DMXL1: variants seen among roughly 807,000 people sequenced by gnomAD.
DMXL1 encodes Dmx like 1, also known as dmX-like protein 1.
In DMXL1, 99 loss-of-function variants were observed where a neutral mutation model predicts 319.2. The ratio of observed to expected loss-of-function variants is 0.31; its 90% CI spans 0.26 to 0.37. The LOEUF is 0.37. Among genes scored for constraint, DMXL1 ranks in the 10% least tolerant of loss-of-function variants. The pLI is 1.00. For synonymous variants in DMXL1, 1,385 were observed against 1,235.2 expected, an observed-to-expected ratio of 1.12 and a Z score of -2.54; for missense variants, 3,745 against 3,595.6, an observed-to-expected ratio of 1.04 and a Z score of -1.06.
chr5:119,182,062 C>T (rs1379877341), intron 28 of DMXL1, among the ~76,000 whole-genome samples: 3 of 152,050 alleles, frequency 2.0e-5, no homozygotes, highest in Non-Finnish European at 4.4e-5. Flanking sequence ...GGACAGCAAC[C>T]TGATAAATTT....
rs1358819839 is a variant in DMXL1 at position 119,128,067 on chromosome 5, CAGTAACCAACAATT to C, written c.1103-1142_1103-1129del. 6.6e-6 allele frequency: 3 copies of C among 454,702 alleles called. No homozygotes were observed. In the East Asian group the frequency reaches 1.7e-4, roughly 26 times the overall value. 28.2% of individuals were successfully genotyped at this position (454,702 alleles called of 1,614,324 possible). ...GTCCTCAATTTACTATCAGTGTAGT[CAGTAACCAACAATT>C]ACTATTACCCATTGCAAGTCTAAAT... is the stretch of plus-strand genomic sequence containing the variant. On this transcript the variant is annotated intron_variant, in intron 9 of 43. Coordinates refer to ENST00000539542, the MANE Select transcript of DMXL1 (RefSeq NM_001290321.3).
At position 119,206,878 on chromosome 5, in the gene DMXL1, G is replaced by A. The variant is rs1781839799; in HGVS notation, c.7908G>A (p.Glu2636=). The change falls in exon 34 of 44, where the codon GAG becomes GAA. Residue 2636 remains glutamate (E), a synonymous_variant. Transcript: ENST00000539542. Reference sequence around the variant, plus strand: ...AAACCATCAAAAATTCTATGATGGAGGAGCCAAACATCAATAAGGTACAAA... The same window carrying A: ...AAACCATCAAAAATTCTATGATGGAAGAGCCAAACATCAATAAGGTACAAA... ...NSETIKNSMM[E]EPNINKIEAD... is the part of the protein sequence containing the mutation. 5.2e-6 allele frequency: 8 copies of A among 1,526,246 alleles called. No individual in the cohort carries two copies. The highest frequency in any genetic ancestry group is 7.0e-6 in the Non-Finnish European group (8 of 1,140,024). The allele number at this position is 1,526,246 out of a possible 1,614,324, so 94.5% of individuals were successfully genotyped here.
intron 30 of DMXL1, among the ~76,000 whole-genome samples, chr5:119,195,095 A>T (rs559368103): frequency 1.3e-5 from 2 of 152,128 alleles, no homozygotes; most frequent in South Asian, 4.1e-4. Flanking sequence ...CAAAAAAAAT[A>T]ACAGTGCTGG....
intron 26 of DMXL1, 130 bp from the exon 27 acceptor site, chr5:119,177,227 A>G (rs1287308156): frequency 1.9e-6 from 1 of 537,564 alleles, no homozygotes; most frequent in Non-Finnish European, 3.2e-6. Flanking sequence ...ACTAGACTGT[A>G]CATTATATTA....
At chr5:119,072,029 G>A (rs1219902483) in intron 1 of DMXL1, among the ~76,000 whole-genome samples, 1 of 151,996 alleles carries the variant, frequency 6.6e-6, no homozygotes, top group Non-Finnish European at 1.5e-5. Context: ...AGTGGAGATT[G>A]GTTTCATTTT....
At chr5:119,112,186 C>G (rs1759782508) in intron 5 of DMXL1, among the ~76,000 whole-genome samples, 1 of 152,210 alleles carries the variant, frequency 6.6e-6, no homozygotes, top group African/African-American at 2.4e-5. Context: ...TGGTCTCAAT[C>G]TCCTGACCTC....
Position 119,170,771 on chromosome 5 carries a change from G to A in DMXL1, c.5980G>A (p.Asp1994Asn), listed in dbSNP as rs771566108. ...KELKPLQRKT[D>N]KKLDDISSNY... ...ACTAAAACCTTTACAGAGAAAAACA[G>A]ATAAAAAGTTGGATGACATAAGTTC... is the stretch of plus-strand genomic sequence containing the variant. Residue 1994 changes from aspartate (D) to asparagine (N), a missense_variant, in exon 24 of 44, where the codon GAT (aspartate) becomes AAT (asparagine). Around this residue, in one of 4 missense-constraint regions of DMXL1, gnomAD observed 1,382 missense variants for 1,269.5 expected, o/e 1.09. Transcript: ENST00000539542. The A allele has an allele frequency of 9.9e-6, 16 of 1,612,014 alleles. No homozygotes were observed. Among genetic ancestry groups the A allele is most frequent in the Middle Eastern group, 1.6e-4 (1 of 6,082 alleles).
intron 17 of DMXL1, among the ~76,000 whole-genome samples, 156 bp from the exon 18 acceptor site, chr5:119,148,583 G>A (rs1268089454): frequency 6.6e-6 from 1 of 152,034 alleles, no homozygotes; most frequent in Non-Finnish European, 1.5e-5. Context: ...AATATAGGCT[G>A]TCTATTATGC....
At chr5:119,107,188 A>C (rs1270411889) in intron 4 of DMXL1, among the ~76,000 whole-genome samples, 1 of 151,950 alleles carries the variant, frequency 6.6e-6, no homozygotes, top group African/African-American at 2.4e-5. Flanking sequence ...AAATTTTTGA[A>C]AAGTTAGTCA....
chr5:119,096,367 G>A (rs1247498068), intron 1 of DMXL1, among the ~76,000 whole-genome samples: 3 of 151,936 alleles, frequency 2.0e-5, no homozygotes, highest in Admixed American at 6.6e-5. Context: ...GTAGAGACGG[G>A]GTTTCTGCAT....
At chr5:119,164,365 A>T (rs978382533) in intron 19 of DMXL1, 142 bp from the exon 20 acceptor site, 18 of 747,918 alleles carry the variant, frequency 2.4e-5, no homozygotes, top group African/African-American at 2.3e-4. Flanking sequence ...GGAAAAACTT[A>T]AAAAAGCCCA....
intron 19 of DMXL1, among the ~76,000 whole-genome samples, chr5:119,162,982 A>G (rs1207482619): frequency 2.0e-5 from 3 of 152,212 alleles, no homozygotes; most frequent in Non-Finnish European, 4.4e-5. Flanking sequence ...GCTATAATTA[A>G]TCATTTACTT....
intron 1 of DMXL1, among the ~76,000 whole-genome samples, chr5:119,072,818 A>T (rs1449555684): frequency 6.6e-6 from 1 of 152,160 alleles, no homozygotes; most frequent in African/African-American, 2.4e-5. Context: ...AATTATCGGG[A>T]TTCCAATTCT....
intron 1 of DMXL1, among the ~76,000 whole-genome samples, chr5:119,096,650 A>G (rs1275691622): frequency 6.6e-6 from 1 of 152,180 alleles, no homozygotes; most frequent in Non-Finnish European, 1.5e-5. Flanking sequence ...CCTGTAATGG[A>G]AAAAACTCCC....
intron 5 of DMXL1, 60 bp from the exon 6 acceptor site, chr5:119,114,415 T>C: frequency 4.2e-6 from 5 of 1,188,664 alleles, no homozygotes; most frequent in African/African-American, 1.5e-5. Context: ...ATTTTGAGAA[T>C]ATTGAACTTT....
chr5:119,230,826 G>T (rs1786561445), intron 38 of DMXL1, among the ~76,000 whole-genome samples: 1 of 151,146 alleles, frequency 6.6e-6, no homozygotes, highest in South Asian at 2.1e-4. Flanking sequence ...AGGTTACAGT[G>T]AGCCGAGATC....
intron 10 of DMXL1, among the ~76,000 whole-genome samples, chr5:119,130,354 T>G (rs1199060242): frequency 2.0e-5 from 3 of 150,918 alleles, no homozygotes; most frequent in South Asian, 2.1e-4. Flanking sequence ...TGTTTGTTTG[T>G]TTTTTTTTGA....
chr5:119,079,588 T>G (rs1329565899), intron 1 of DMXL1, among the ~76,000 whole-genome samples: 1 of 152,270 alleles, frequency 6.6e-6, no homozygotes, highest in Non-Finnish European at 1.5e-5. Context: ...CACTATACTT[T>G]GGCAGCTTTT....
chr5:119,171,316 G>T, intron 24 of DMXL1, 36 bp downstream of exon 24: 1 of 1,529,334 alleles, frequency 6.5e-7, no homozygotes, highest in Non-Finnish European at 8.8e-7. Context: ...AATGGTACAT[G>T]TCTAAAACTG....
Sources: allele counts gnomAD v4.1 joint callset (sites outside exome capture counted in the v4.1 genomes callset), GRCh38; gene constraint gnomAD v4.1.1; regional missense constraint gnomAD v4.1.1; transcripts MANE v1.5; gene names NCBI Gene and HGNC (gene_info 2026-07-23, HGNC 2026-07-21).